The following STAM variants were observed in gnomAD, a reference collection of about 807,000 sequenced individuals.
STAM encodes signal transducing adaptor molecule.
In STAM, 16 loss-of-function variants were observed where a neutral mutation model predicts 63.4. The ratio of observed to expected loss-of-function variants is 0.25; its 90% CI spans 0.17 to 0.38. The LOEUF (loss-of-function observed/expected upper bound fraction) is 0.38, where lower values mean the gene tolerates loss of function less well. Among genes scored for constraint, STAM ranks in the 10% least tolerant of loss-of-function variants. The pLI is 1.00. For synonymous variants in STAM, 238 were observed against 223.9 expected (o/e 1.06, Z -0.56); for missense variants, 636 against 657.1 (o/e 0.97, Z 0.35).
intron 13 of STAM, among the ~76,000 whole-genome samples, chr10:17,710,134 T>G (rs1182405368): frequency 6.6e-6 from 1 of 152,010 alleles, no homozygotes; most frequent in African/African-American, 2.4e-5. Context: ...GCAGCTATTT[T>G]AGTATTAGCC....
At chr10:17,653,926 A>G (rs1369365771) in intron 1 of STAM, among the ~76,000 whole-genome samples, 2 of 152,130 alleles carry the variant, frequency 1.3e-5, no homozygotes, top group South Asian at 2.1e-4. Context: ...AATTGTAAGT[A>G]TAGTACTTTC....
At chr10:17,707,869 C>A (rs1369091286) in intron 12 of STAM, among the ~76,000 whole-genome samples, 3 of 151,464 alleles carry the variant, frequency 2.0e-5, no homozygotes. Flanking sequence ...ACAAATCCAG[C>A]CTGTTGCCTG....
intron 4 of STAM, 26 bp from the exon 5 acceptor site, chr10:17,688,001 C>G: frequency 1.3e-6 from 2 of 1,533,936 alleles, no homozygotes; most frequent in East Asian, 2.3e-5. Flanking sequence ...AATTGGTGCT[C>G]TTTTATTTCT....
intron 13 of STAM, among the ~76,000 whole-genome samples, chr10:17,711,067 G>C (rs1306873612): frequency 1.3e-5 from 2 of 152,178 alleles, no homozygotes; most frequent in Non-Finnish European, 2.9e-5. Flanking sequence ...CTGCGTATTT[G>C]ACTCGAGCTT....
chr10:17,714,606 T>A lies in STAM; in HGVS notation c.1449T>A (p.Pro483=). Reference sequence around the variant, plus strand: ...GCCAGGCGCCAGTATATAGTCCTCCTCCTGCCGCTACTGCTGCTGCTGCAA... The same window carrying A: ...GCCAGGCGCCAGTATATAGTCCTCCACCTGCCGCTACTGCTGCTGCTGCAA... ...YPSQAPVYSP[P]PAATAAAATA... is the part of the protein sequence containing the mutation. The change falls in exon 14 of 14, where the codon CCT becomes CCA. Residue 483 remains proline, a synonymous_variant. Transcript: ENST00000377524. 3 of 1,597,554 alleles carry A rather than the reference T, an allele frequency of 1.9e-6. No homozygotes were observed. Among genetic ancestry groups the A allele is most frequent in the Non-Finnish European group, 2.6e-6 (3 of 1,172,546 alleles).
chr10:17,649,542 G>A (rs1833655782), intron 1 of STAM, among the ~76,000 whole-genome samples: 1 of 151,972 alleles, frequency 6.6e-6, no homozygotes, highest in African/African-American at 2.4e-5. Context: ...ATTAAGATGA[G>A]AACTTTTCAT....
chr10:17,658,962 A>G (rs1420227804), intron 1 of STAM, among the ~76,000 whole-genome samples: 1 of 152,152 alleles, frequency 6.6e-6, no homozygotes, highest in East Asian at 1.9e-4. Flanking sequence ...GTTAATAGCT[A>G]CCATATTTGT....
At chr10:17,699,173 T>C (rs1173904110) in intron 8 of STAM, among the ~76,000 whole-genome samples, 5 of 152,234 alleles carry the variant, frequency 3.3e-5, no homozygotes, top group African/African-American at 1.2e-4. Flanking sequence ...TTTATTAGCT[T>C]TCTCTTTTAC....
intron 12 of STAM, among the ~76,000 whole-genome samples, chr10:17,706,729 A>G (rs914569589): frequency 6.6e-6 from 1 of 152,134 alleles, no homozygotes; most frequent in East Asian, 1.9e-4. Flanking sequence ...TAAGAACCTT[A>G]GTTCTTCATC....
chr10:17,683,202 C>G (rs191946648), intron 2 of STAM, among the ~76,000 whole-genome samples: 59 of 152,266 alleles, frequency 3.9e-4, no homozygotes, highest in African/African-American at 1.3e-3. Flanking sequence ...CTCACTCTGT[C>G]TCTCAGGATG....
chr10:17,714,683 C>G lies in STAM; in HGVS notation c.1526C>G (p.Pro509Arg), dbSNP rs781951684. 22 of 1,613,972 alleles carry G rather than the reference C, an allele frequency of 1.4e-5. No individual in the cohort carries two copies. The African/African-American group carries it at 1.5e-4, about 11-fold the overall frequency. Residue 509 changes from proline (P) to arginine (R), a missense_variant, in exon 14 of 14, where the codon CCA (proline) becomes CGA (arginine). Physicochemically the swap from Pro to Arg is moderately radical, Grantham distance 103 (BLOSUM62 -2). This residue lies in a region of STAM where 532 missense variants were observed against 536.9 expected (regional missense o/e 0.99). Coordinates refer to ENST00000377524, the MANE Select transcript of STAM (RefSeq NM_003473.4). ...QNAGPNMPQV[P>R]NYNLTSSTLP... ...GCAGGACCTAATATGCCCCAGGTGC[C>G]AAACTATAACTTAACATCATCAACT...
chr10:17,673,055 A>C, intron 2 of STAM: 1 of 985,284 alleles, frequency 1.0e-6, no homozygotes, highest in Non-Finnish European at 1.2e-6. Context: ...GAGAGAGATG[A>C]GGATTTGCCC....
chr10:17,657,663 G>A (rs1554822323), intron 1 of STAM, among the ~76,000 whole-genome samples: 1 of 152,160 alleles, frequency 6.6e-6, no homozygotes, highest in African/African-American at 2.4e-5. Flanking sequence ...CATTTAGATT[G>A]TCTGTTTCTT....
At chr10:17,695,371 T>G in intron 7 of STAM, 130 bp downstream of exon 7, 1 of 794,730 alleles carries the variant, frequency 1.3e-6, no homozygotes, top group Admixed American at 3.3e-5. Context: ...TGTATGACAG[T>G]TGGCTGATTT....
chr10:17,651,353 A>G (rs1254723639), intron 1 of STAM, among the ~76,000 whole-genome samples: 1 of 152,356 alleles, frequency 6.6e-6, no homozygotes, highest in African/African-American at 2.4e-5. Flanking sequence ...AGCACCTGGC[A>G]TGTAGTAACC....
intron 9 of STAM, among the ~76,000 whole-genome samples, chr10:17,701,929 A>T (rs1038314064): frequency 1.9e-4 from 29 of 152,120 alleles, no homozygotes; most frequent in African/African-American, 7.0e-4. Flanking sequence ...TTTTGTTTTT[A>T]AAAAATAGGA....
intron 2 of STAM, among the ~76,000 whole-genome samples, chr10:17,677,808 C>T (rs1052222013): frequency 6.6e-6 from 1 of 152,244 alleles, no homozygotes; most frequent in African/African-American, 2.4e-5. Context: ...GTTGAGCATC[C>T]TTAAAATCAG....
intron 2 of STAM, among the ~76,000 whole-genome samples, chr10:17,682,248 C>G (rs1451113439): frequency 6.6e-6 from 1 of 152,144 alleles, no homozygotes; most frequent in Non-Finnish European, 1.5e-5. Flanking sequence ...TGTCAGTACT[C>G]CTGTGTCTAG....
rs1401567152 is a variant in STAM at position 17,647,533 on chromosome 10, G to A, written c.40+3154G>A. ...TTTTTTTCCCTTAGAGTATTAGGAAGCAATTTAGCTTAGTGTTAAGAATTC... is the reference window on the plus strand; with the variant it reads ...TTTTTTTCCCTTAGAGTATTAGGAAACAATTTAGCTTAGTGTTAAGAATTC... On this transcript the variant is annotated intron_variant, in intron 1 of 13. Transcript: ENST00000377524. 2.6e-5 allele frequency among the ~76,000 whole-genome samples: 4 copies of A among 151,778 alleles called. No individual in the cohort carries two copies. In the East Asian group the frequency reaches 7.7e-4, roughly 29 times the overall value.
Sources: allele counts gnomAD v4.1 joint callset (sites outside exome capture counted in the v4.1 genomes callset), GRCh38; gene constraint gnomAD v4.1.1; regional missense constraint gnomAD v4.1.1; transcripts MANE v1.5; gene names NCBI Gene and HGNC (gene_info 2026-07-23, HGNC 2026-07-21).